Variants in RFX3 observed in about 807,000 individuals in gnomAD.
RFX3 encodes the protein regulatory factor X3.
A neutral mutation model predicts 98.6 loss-of-function variants in RFX3; 14 were observed. The observed-to-expected ratio is 0.14, with a 90% CI of 0.09 to 0.22. The LOEUF is 0.22. RFX3 is among the 10% of genes least tolerant of loss of function. The probability of loss-of-function intolerance (pLI) is 1.00; values close to 1 mark genes in which losing one functional copy is unlikely to be tolerated. For missense variants in RFX3, 639 were observed against 926.9 expected (o/e 0.69, Z 4.03); for synonymous variants, 383 against 328.4 (o/e 1.17, Z -1.80).
chr9:3,359,982 C>T (rs1836222694), intron 2 of RFX3, among the ~76,000 whole-genome samples: 1 of 151,952 alleles, frequency 6.6e-6, no homozygotes, highest in Non-Finnish European at 1.5e-5. Flanking sequence ...ATTTTAGTTG[C>T]CATTATCTTA....
chr9:3,228,440 T>C (rs963036704), intron 16 of RFX3, among the ~76,000 whole-genome samples: 4 of 152,364 alleles, frequency 2.6e-5, no homozygotes, highest in African/African-American at 7.2e-5. Context: ...GTTCTTTTTC[T>C]ACACACAAGT....
chr9:3,499,908 C>A (rs1193128289), intron 1 of RFX3, among the ~76,000 whole-genome samples: 1 of 152,040 alleles, frequency 6.6e-6, no homozygotes, highest in African/African-American at 2.4e-5. Context: ...AACCATTTAG[C>A]CCTTCAACTT....
chr9:3,356,185 G>T (rs1350374010), intron 2 of RFX3, among the ~76,000 whole-genome samples: 1 of 149,684 alleles, frequency 6.7e-6, no homozygotes, highest in Non-Finnish European at 1.5e-5. Context: ...AGGAAGGAAG[G>T]AAGGAAGGAA....
chr9:3,277,230 A>C, intron 8 of RFX3, 110 bp downstream of exon 8: 1 of 1,123,056 alleles, frequency 8.9e-7, no homozygotes, highest in Non-Finnish European at 1.3e-6. Flanking sequence ...TTTTGGCACC[A>C]AAAAAAATCT....
At chr9:3,316,613 A>G (rs1212653969) in intron 4 of RFX3, among the ~76,000 whole-genome samples, 6 of 152,238 alleles carry the variant, frequency 3.9e-5, no homozygotes, top group Admixed American at 3.9e-4. Flanking sequence ...ACATGATTGT[A>G]TATTTAGAAA....
At chr9:3,369,742 G>C (rs1367809997) in intron 2 of RFX3, among the ~76,000 whole-genome samples, 1 of 152,190 alleles carries the variant, frequency 6.6e-6, no homozygotes, top group African/African-American at 2.4e-5. Flanking sequence ...AATGACTAAA[G>C]AAATGGATCA....
Position 3,229,272 on chromosome 9 carries a change from T to C in RFX3, c.1969-383A>G, listed in dbSNP as rs184324686. Among the ~76,000 whole-genome samples, 445 of 152,324 alleles carry C rather than the reference T, an allele frequency of 2.9e-3. 2 individuals are homozygous for C. Among genetic ancestry groups the C allele is most frequent in the Admixed American group, 4.1e-3 (63 of 15,298 alleles). ...CAGGACACATCAGCTCCACCCCCTA[T>C]ACTTGGCAGATGAGTCCACCTGGAA... On this transcript the variant is annotated intron_variant, in intron 15 of 16. Coordinates refer to ENST00000617270, the MANE Select transcript of RFX3 (RefSeq NM_001282116.2).
intron 2 of RFX3, among the ~76,000 whole-genome samples, chr9:3,370,155 T>A (rs2131544637): frequency 6.6e-6 from 1 of 150,694 alleles, no homozygotes; most frequent in South Asian, 2.1e-4. Context: ...GCAGTTTTTT[T>A]AAGACTGCTG....
chr9:3,267,522 C>A (rs983262539), intron 11 of RFX3, among the ~76,000 whole-genome samples: 1 of 151,750 alleles, frequency 6.6e-6, no homozygotes, highest in East Asian at 1.9e-4. Context: ...ATAATAAAGA[C>A]AACTAAATGT....
intron 1 of RFX3, among the ~76,000 whole-genome samples, chr9:3,473,814 C>T (rs188731867): frequency 6.6e-6 from 1 of 152,250 alleles, no homozygotes; most frequent in East Asian, 1.9e-4. Context: ...GGTCTTGTAT[C>T]TTTAAAAACT....
At chr9:3,519,557 C>T (rs1257499641) in intron 1 of RFX3, among the ~76,000 whole-genome samples, 1 of 152,160 alleles carries the variant, frequency 6.6e-6, no homozygotes, top group Admixed American at 6.5e-5. Flanking sequence ...CATAAATTAT[C>T]TCCTTTAATC....
intron 15 of RFX3, among the ~76,000 whole-genome samples, chr9:3,241,467 G>A (rs1680772718): frequency 6.6e-6 from 1 of 152,162 alleles, no homozygotes; most frequent in African/African-American, 2.4e-5. Flanking sequence ...GGAAGCTAAT[G>A]AGCAGGGATC....
At chr9:3,448,938 G>A (rs951162500) in intron 1 of RFX3, among the ~76,000 whole-genome samples, 5 of 152,066 alleles carry the variant, frequency 3.3e-5, no homozygotes, top group African/African-American at 1.2e-4. Context: ...GGGTGACCTA[G>A]GCCCTAAGAA....
At chr9:3,402,479 A>G (rs963101449) in intron 1 of RFX3, among the ~76,000 whole-genome samples, 1 of 152,116 alleles carries the variant, frequency 6.6e-6, no homozygotes, top group African/African-American at 2.4e-5. Context: ...AAAATAAACG[A>G]CATCTAAAAT....
At chr9:3,267,650 T>C (rs945855040) in intron 11 of RFX3, among the ~76,000 whole-genome samples, 1 of 151,852 alleles carries the variant, frequency 6.6e-6, no homozygotes, top group African/African-American at 2.4e-5. Flanking sequence ...GATCATCTAC[T>C]GGAAACACTG....
chr9:3,456,857 T>C (rs925739656), intron 1 of RFX3, among the ~76,000 whole-genome samples: 2 of 152,066 alleles, frequency 1.3e-5, no homozygotes, highest in Admixed American at 6.5e-5. Context: ...AGTTAAAGAA[T>C]TGTCCCAAGG....
chr9:3,333,728 C>G (rs1055682155), intron 3 of RFX3, among the ~76,000 whole-genome samples: 1 of 152,080 alleles, frequency 6.6e-6, no homozygotes, highest in Non-Finnish European at 1.5e-5. Flanking sequence ...AGATATAGAA[C>G]AATAAATACT....
intron 2 of RFX3, among the ~76,000 whole-genome samples, chr9:3,377,657 A>G (rs993959496): frequency 1.3e-5 from 2 of 152,242 alleles, no homozygotes. Context: ...TGGAAAATAT[A>G]AAGCGATCTA....
At chr9:3,445,726 T>C (rs1587699887) in intron 1 of RFX3, among the ~76,000 whole-genome samples, 1 of 152,280 alleles carries the variant, frequency 6.6e-6, no homozygotes, top group South Asian at 2.1e-4. Flanking sequence ...GTCAACGCGA[T>C]CGATAGGAGA....
Sources: allele counts gnomAD v4.1 joint callset (sites outside exome capture counted in the v4.1 genomes callset), GRCh38; gene constraint gnomAD v4.1.1; transcripts MANE v1.5; gene names NCBI Gene and HGNC (gene_info 2026-07-23, HGNC 2026-07-21).